IL1RAPL1: variants seen among roughly 807,000 people sequenced by gnomAD.
IL1RAPL1 encodes the protein interleukin 1 receptor accessory protein like 1, also known as interleukin-1 receptor accessory protein-like 1.
Under a neutral mutation model 48.4 loss-of-function variants are expected in IL1RAPL1, and 3 were observed. The observed-to-expected ratio is 0.06, with a 90% CI of 0.03 to 0.16. IL1RAPL1 has a LOEUF of 0.16. IL1RAPL1 is among the 10% of genes least tolerant of loss of function. IL1RAPL1 has a pLI of 1.00. For synonymous variants in IL1RAPL1, 185 were observed against 187.7 expected (o/e 0.99, Z 0.12); for missense variants, 349 against 530.6 (o/e 0.66, Z 3.36).
rs556341657 is a variant in IL1RAPL1, at chrX:29,445,443, C to T, written c.703+46135C>T. Among the ~76,000 whole-genome samples, 37 of 112,065 alleles carry T rather than the reference C, an allele frequency of 3.3e-4. No homozygotes were observed. In the South Asian group the frequency reaches 0.013, roughly 40 times the overall value. ...TGTAGCTGCTTTAACTTTTACTTACCAGTAGGACGCCATTTTCTCTTTGGG... is the reference window on the plus strand; with the variant it reads ...TGTAGCTGCTTTAACTTTTACTTACTAGTAGGACGCCATTTTCTCTTTGGG... On this transcript the variant is annotated intron_variant, in intron 5 of 10. Transcript: ENST00000378993.
chrX:29,638,915 G>A (rs931190817), intron 5 of IL1RAPL1, among the ~76,000 whole-genome samples: 6 of 112,175 alleles, frequency 5.3e-5, no homozygotes, highest in Admixed American at 3.8e-4. Context: ...GGCCAGGCGC[G>A]GTGGCTCACG....
chrX:29,849,780 G>A (rs771636008), intron 6 of IL1RAPL1, among the ~76,000 whole-genome samples: 2 of 111,996 alleles, frequency 1.8e-5, no homozygotes, highest in Admixed American at 9.5e-5. Flanking sequence ...GGATCAGGTC[G>A]AAGAGGCTGC....
intron 3 of IL1RAPL1, among the ~76,000 whole-genome samples, chrX:29,334,180 C>T (rs1402622131): frequency 3.8e-5 from 2 of 53,030 alleles, no homozygotes; most frequent in Non-Finnish European, 7.5e-5. Flanking sequence ...CCGGACGGGG[C>T]GGCCGGCCGG....
intron 6 of IL1RAPL1, among the ~76,000 whole-genome samples, chrX:29,732,399 T>C (rs1331090272): frequency 8.9e-6 from 1 of 111,926 alleles, no homozygotes; most frequent in Non-Finnish European, 1.9e-5. Context: ...TCTCAAAATT[T>C]GTGAGTGATA....
chrX:29,823,482 T>C lies in IL1RAPL1; in HGVS notation c.779-93982T>C, dbSNP rs1385063311. On this transcript the variant is annotated intron_variant, in intron 6 of 10. Transcript: ENST00000378993. ...AAACACTGGAACACAGATACAAATC[T>C]GAACTTCTTGTTGAGAAGACTAGAC... Among the ~76,000 whole-genome samples, 12 of 112,292 alleles carry C rather than the reference T, an allele frequency of 1.1e-4. No individual in the cohort carries two copies. In the East Asian group the frequency reaches 3.4e-3, roughly 31 times the overall value.
intron 2 of IL1RAPL1, among the ~76,000 whole-genome samples, chrX:28,904,367 TCAAAACAA>T (rs1196054618): frequency 9.0e-6 from 1 of 111,624 alleles, no homozygotes; most frequent in Non-Finnish European, 1.9e-5. Flanking sequence ...TGTGTGGAAC[TCAAAACAA>T]CTACTATTCA....
At chrX:29,209,149 G>T (rs1366087092) in intron 2 of IL1RAPL1, among the ~76,000 whole-genome samples, 3 of 111,793 alleles carry the variant, frequency 2.7e-5, no homozygotes, top group Non-Finnish European at 5.6e-5. Flanking sequence ...TGGGTCAAGA[G>T]AACCATGATA....
chrX:28,718,322 T>C (rs1035569173), intron 1 of IL1RAPL1, among the ~76,000 whole-genome samples: 11 of 111,946 alleles, frequency 9.8e-5, no homozygotes, highest in Non-Finnish European at 2.1e-4. Context: ...AATTTATAAA[T>C]GAATTAAAAA....
At chrX:29,418,258 T>A (rs1278556660) in intron 5 of IL1RAPL1, among the ~76,000 whole-genome samples, 1 of 104,015 alleles carries the variant, frequency 9.6e-6, no homozygotes, top group Admixed American at 1.1e-4. Context: ...CCTGAGTAGC[T>A]GGGATTACAG....
intron 6 of IL1RAPL1, among the ~76,000 whole-genome samples, chrX:29,766,013 G>A (rs747900270): frequency 1.2e-3 from 127 of 109,820 alleles, no homozygotes; most frequent in East Asian, 2.3e-3. Flanking sequence ...AAAAGCTGTC[G>A]AACTAAAAAA....
chrX:28,870,704 G>A (rs1319254335), intron 2 of IL1RAPL1, among the ~76,000 whole-genome samples: 3 of 111,139 alleles, frequency 2.7e-5, no homozygotes, highest in Non-Finnish European at 5.7e-5. Context: ...GCTTGCCAGT[G>A]GGATGCATCT....
chrX:29,406,005 A>T (rs1467230741), intron 5 of IL1RAPL1, among the ~76,000 whole-genome samples: 1 of 111,945 alleles, frequency 8.9e-6, no homozygotes, highest in Non-Finnish European at 1.9e-5. Context: ...TTTCAAGCTC[A>T]CACATTGTTT....
At chrX:29,382,202 T>A (rs1933720217) in intron 3 of IL1RAPL1, among the ~76,000 whole-genome samples, 1 of 111,284 alleles carries the variant, frequency 9.0e-6, no homozygotes, top group Non-Finnish European at 1.9e-5. Flanking sequence ...GAAGAATAAT[T>A]TGGGAAAACT....
At chrX:28,783,753 T>C (rs1601901960) in intron 1 of IL1RAPL1, among the ~76,000 whole-genome samples, 1 of 111,640 alleles carries the variant, frequency 9.0e-6, no homozygotes, top group East Asian at 2.8e-4. Flanking sequence ...CCTTTCTACC[T>C]TAGTCATTAA....
At chrX:29,659,621 TTTTGTTTTTGG>T (rs1302943080) in intron 5 of IL1RAPL1, among the ~76,000 whole-genome samples, 1 of 111,735 alleles carries the variant, frequency 8.9e-6, no homozygotes, top group Non-Finnish European at 1.9e-5. Context: ...TTGTTTGTGT[TTTTGTTTTTGG>T]TTTGTTTTTG....
chrX:28,925,101 A>G (rs1420383586), intron 2 of IL1RAPL1, among the ~76,000 whole-genome samples: 1 of 111,818 alleles, frequency 8.9e-6, no homozygotes, highest in African/African-American at 3.3e-5. Context: ...TGTTCACATA[A>G]ATATAGAAAT....
chrX:28,934,396 C>T lies in IL1RAPL1; in HGVS notation c.82+144971C>T, dbSNP rs111540803. ...ATTAAGATATTATTCATATACCATA[C>T]AGTTCATGCCTTTAAAGTGTACAAT... is the stretch of plus-strand genomic sequence containing the variant. On this transcript the variant is annotated intron_variant, in intron 2 of 10. Transcript: ENST00000378993. 1.7e-3 allele frequency among the ~76,000 whole-genome samples: 191 copies of T among 111,014 alleles called. 1 individual carries two copies. Among genetic ancestry groups the T allele is most frequent in the Middle Eastern group, 9.2e-3 (2 of 217 alleles).
intron 3 of IL1RAPL1, among the ~76,000 whole-genome samples, chrX:29,341,884 G>A (rs1048589520): frequency 1.8e-5 from 2 of 110,835 alleles, no homozygotes; most frequent in Non-Finnish European, 3.8e-5. Flanking sequence ...TCGGCTCACG[G>A]CAACCTCTGC....
intron 1 of IL1RAPL1, among the ~76,000 whole-genome samples, chrX:28,756,425 C>T (rs1176618393): frequency 8.9e-6 from 1 of 111,772 alleles, no homozygotes; most frequent in Non-Finnish European, 1.9e-5. Flanking sequence ...TGGGAAGTGA[C>T]AGTTATATCA....
Sources: gnomAD v4.1 joint callset for allele counts (sites outside exome capture counted in the v4.1 genomes callset) on GRCh38, gnomAD v4.1.1 for gene constraint, MANE v1.5 for transcripts, NCBI Gene and HGNC (gene_info 2026-07-23, HGNC 2026-07-21) for gene names.